APPL1: variants seen among roughly 807,000 people sequenced by gnomAD.
APPL1 encodes the protein DCC-interacting protein 13-alpha.
Under a neutral mutation model 106.8 loss-of-function variants are expected in APPL1, and 42 were observed. That is an observed-to-expected ratio of 0.39 (90% CI 0.31 to 0.51). The LOEUF (loss-of-function observed/expected upper bound fraction) is 0.51, where lower values mean the gene tolerates loss of function less well. Ranked by LOEUF, APPL1 falls within the 20% of genes least tolerant of loss-of-function variation. The pLI is 0.75. For missense variants in APPL1, 769 were observed against 858.2 expected, an observed-to-expected ratio of 0.90 and a Z score of 1.30; for synonymous variants, 263 against 281.8, an observed-to-expected ratio of 0.93 and a Z score of 0.67.
Position 57,271,090 on chromosome 3 carries a change from G to T in APPL1, c.*1403G>T, listed in dbSNP as rs760084037. 3.9e-4 allele frequency: 60 copies of T among 152,020 alleles called. No homozygotes were observed. The highest frequency in any genetic ancestry group is 7.1e-4 in the Non-Finnish European group (48 of 67,944). 9.4% of individuals were successfully genotyped at this position (152,020 alleles called of 1,614,324 possible). A position where few individuals can be genotyped will look rare whatever the true frequency, so the allele number is the denominator to read the frequency against. ...TCACACATTTACAAATTTTTCAAGA[G>T]GTTAGCCACTAAGACTTTAATAATT... On this transcript the variant is annotated 3_prime_UTR_variant, in exon 22 of 22. Transcript: ENST00000288266.
At chr3:57,248,884 A>C (rs1228757774) in intron 10 of APPL1, among the ~76,000 whole-genome samples, 1 of 152,148 alleles carries the variant, frequency 6.6e-6, no homozygotes, top group Non-Finnish European at 1.5e-5. Flanking sequence ...AAAAAAATGA[A>C]GTGAAACTAA....
intron 5 of APPL1, among the ~76,000 whole-genome samples, chr3:57,240,946 G>A (rs2060743249): frequency 6.6e-6 from 1 of 152,188 alleles, no homozygotes; most frequent in Admixed American, 6.5e-5. Context: ...CTGTTAGAGG[G>A]ACTAGAGTGC....
chr3:57,257,521 A>G (rs1424640097), intron 15 of APPL1, 93 bp downstream of exon 15: 13 of 1,101,744 alleles, frequency 1.2e-5, no homozygotes, highest in South Asian at 2.2e-5. Flanking sequence ...TTTATAATGT[A>G]TATCAGCTAT....
intron 19 of APPL1, among the ~76,000 whole-genome samples, chr3:57,263,704 T>G (rs545677487): frequency 2.6e-5 from 4 of 152,174 alleles, no homozygotes; most frequent in Non-Finnish European, 5.9e-5. Flanking sequence ...CATTCTTTTT[T>G]TCTGGCTGAA....
chr3:57,228,735 A>T lies in APPL1; in HGVS notation c.54+798A>T, dbSNP rs1031236297. The stretch of plus-strand genomic sequence containing the variant: ...CAGAATGAAAGCAGCTATATTTTTT[A>T]AAATGTTGGCAGGGGCTGTAACTTG... On this transcript the variant is annotated intron_variant, in intron 1 of 21. Transcript: ENST00000288266. This position sits in a 1 kb window ranked among gnomAD's most constrained non-coding sequence, Gnocchi z 4.6. Among the ~76,000 whole-genome samples, 14 of 152,222 alleles carry T rather than the reference A, an allele frequency of 9.2e-5. No individual in the cohort carries two copies. Among genetic ancestry groups the T allele is most frequent in the African/African-American group, 3.1e-4 (13 of 41,456 alleles).
At position 57,270,493 on chromosome 3, in the gene APPL1, CAAGTA is replaced by C. The variant is rs1470006024; in HGVS notation, c.*810_*814del. ...TCAATACATTTTAGATTAGGATTGA[CAAGTA>C]AAGATACTGCTATGGAATGATACAT... On this transcript the variant is annotated 3_prime_UTR_variant, in exon 22 of 22. Transcript: ENST00000288266. 6.6e-6 allele frequency: 1 copy of C among 152,502 alleles called. No individual in the cohort carries two copies. Among genetic ancestry groups the C allele is most frequent in the African/African-American group, 2.4e-5 (1 of 41,412 alleles). 9.4% of individuals were successfully genotyped at this position (152,502 alleles called of 1,614,324 possible).
intron 20 of APPL1, 110 bp from the exon 21 acceptor site, chr3:57,268,288 G>A (rs989913478): frequency 3.5e-6 from 4 of 1,136,782 alleles, no homozygotes; most frequent in South Asian, 1.8e-5. Flanking sequence ...GCTTTCTTAT[G>A]TATAAATGCA....
At chr3:57,269,315 G>T (rs1263000979) in intron 21 of APPL1, 4 of 448,278 alleles carry the variant, frequency 8.9e-6, no homozygotes, top group East Asian at 3.6e-5. Context: ...AAAAAAGAAA[G>T]ATAAAATATT....
chr3:57,235,559 T>C lies in APPL1; in HGVS notation c.55-7T>C, dbSNP rs761618768. 1.3e-6 allele frequency: 2 copies of C among 1,575,486 alleles called. No individual in the cohort carries two copies. The highest frequency in any genetic ancestry group is 1.7e-5 in the Admixed American group (1 of 58,666). On this transcript the variant is annotated splice_polypyrimidine_tract_variant and splice_region_variant and intron_variant, in intron 1 of 21. Transcript: ENST00000288266. ...TAACATAAACTTATTGCTATTGTTT[T>C]ATACAGACAAGGTCTTTACTAGGTG...
Position 57,248,301 on chromosome 3 carries a change from T to TAA in APPL1, c.813_814insAA (p.Pro272AsnfsTer7). 1.2e-6 allele frequency: 2 copies of TAA among 1,614,122 alleles called. No individual in the cohort carries two copies. Among genetic ancestry groups the TAA allele is most frequent in the Non-Finnish European group, 1.7e-6 (2 of 1,180,020 alleles). ...TGCCTGACCCAGACCCCACCAAATT[T>TAA]CCTGTTAATCGAAATTTAACCCGAA... On this transcript the variant is annotated frameshift_variant, in exon 10 of 22. Coordinates refer to ENST00000288266, the MANE Select transcript of APPL1 (RefSeq NM_012096.3). LOFTEE classifies it high-confidence loss of function.
chr3:57,246,228 T>C lies in APPL1; in HGVS notation c.621+6T>C. The stretch of plus-strand genomic sequence containing the variant: ...TTGGGTACATGCAAGCTCAGGTAAA[T>C]ACTGTACTGTATTTGGATTATAACT... On this transcript the variant is annotated splice_donor_region_variant and intron_variant, in intron 8 of 21. Coordinates refer to ENST00000288266, the MANE Select transcript of APPL1 (RefSeq NM_012096.3). The C allele has an allele frequency of 6.3e-7, 1 of 1,583,728 alleles. No individual in the cohort carries two copies. Among genetic ancestry groups the C allele is most frequent in the South Asian group, 1.2e-5 (1 of 84,494 alleles).
chr3:57,234,912 C>G (rs1339308253), intron 1 of APPL1, among the ~76,000 whole-genome samples: 1 of 152,126 alleles, frequency 6.6e-6, no homozygotes, highest in Non-Finnish European at 1.5e-5. Flanking sequence ...GCCTCGGCCT[C>G]CCAAAGTGCT....
chr3:57,271,759 G>T lies in APPL1; in HGVS notation c.*2072G>T, dbSNP rs532971945. On this transcript the variant is annotated 3_prime_UTR_variant, in exon 22 of 22. Coordinates refer to ENST00000288266, the MANE Select transcript of APPL1 (RefSeq NM_012096.3). ...GGGATGCTGGACAGACCTGTAGTTC[G>T]TTTTAAGTCATGTTCACAGGAATTT... is the stretch of plus-strand genomic sequence containing the variant. The T allele has an allele frequency of 1.4e-3, 209 of 152,306 alleles. No homozygotes were observed. Among genetic ancestry groups the T allele is most frequent in the African/African-American group, 4.9e-3 (203 of 41,550 alleles). 9.4% of individuals were successfully genotyped at this position (152,306 alleles called of 1,614,324 possible). A position where few individuals can be genotyped will look rare whatever the true frequency, so the allele number is the denominator to read the frequency against.
chr3:57,243,331 T>A (rs2060756495), intron 7 of APPL1, among the ~76,000 whole-genome samples: 1 of 152,236 alleles, frequency 6.6e-6, no homozygotes, highest in Non-Finnish European at 1.5e-5. Flanking sequence ...TTTTGATATT[T>A]GTTCAAGGAG....
At chr3:57,245,547 AG>A (rs66493392) in intron 7 of APPL1, among the ~76,000 whole-genome samples, 10,161 of 143,716 alleles carry the variant, frequency 0.071, 1,162 homozygotes, top group African/African-American at 0.24. Flanking sequence ...TTCAATATGC[AG>A]TTTTTTTTTT....
In APPL1 at chr3:57,253,745, T is replaced by C; in HGVS notation, c.1152+7T>C. ...CTTAAGTGAAAATCCAGAGGTAATATTTTTATTTTATGTTACCCAGATCTA... is the reference window on the plus strand; with the variant it reads ...CTTAAGTGAAAATCCAGAGGTAATACTTTTATTTTATGTTACCCAGATCTA... On this transcript the variant is annotated splice_region_variant and intron_variant, in intron 13 of 21. Coordinates refer to ENST00000288266, the MANE Select transcript of APPL1 (RefSeq NM_012096.3). 1 of 1,419,616 alleles carries C rather than the reference T, an allele frequency of 7.0e-7. No individual in the cohort carries two copies. The highest frequency in any genetic ancestry group is 9.3e-7 in the Non-Finnish European group (1 of 1,076,278). The allele number at this position is 1,419,616 out of a possible 1,614,324, so 87.9% of individuals were successfully genotyped here. A position where few individuals can be genotyped will look rare whatever the true frequency, so the allele number is the denominator to read the frequency against.
Position 57,246,242 on chromosome 3 carries a change from T to G in APPL1, c.621+20T>G. 3 of 1,544,296 alleles carry G rather than the reference T, an allele frequency of 1.9e-6. No individual in the cohort carries two copies. The highest frequency in any genetic ancestry group is 2.6e-6 in the Non-Finnish European group (3 of 1,150,432). ...GCTCAGGTAAATACTGTACTGTATT[T>G]GGATTATAACTGTCCTAAAAGTTTT... On this transcript the variant is annotated intron_variant, in intron 8 of 21. Transcript: ENST00000288266.
At chr3:57,248,098 A>T in intron 9 of APPL1, 95 bp from the exon 10 acceptor site, 1 of 1,343,934 alleles carries the variant, frequency 7.4e-7, no homozygotes, top group Non-Finnish European at 9.9e-7. Context: ...CCTCTCTTTA[A>T]GAAAACATAC....
intron 2 of APPL1, among the ~76,000 whole-genome samples, chr3:57,236,635 T>C (rs2060718228): frequency 1.3e-5 from 2 of 152,190 alleles, no homozygotes; most frequent in South Asian, 4.1e-4. Context: ...GCCAACACTT[T>C]CCCTTTTTCA....
Sources: allele counts gnomAD v4.1 joint callset (sites outside exome capture counted in the v4.1 genomes callset), GRCh38; gene constraint gnomAD v4.1.1; non-coding constraint Gnocchi (gnomAD v3.1); transcripts MANE v1.5; gene names NCBI Gene and HGNC (gene_info 2026-07-23, HGNC 2026-07-21).